Variants in CARHSP1 observed in about 807,000 individuals in gnomAD.
CARHSP1 encodes calcium-regulated heat-stable protein 1.
Under a neutral mutation model 12.5 loss-of-function variants are expected in CARHSP1, and 14 were observed. The ratio of observed to expected loss-of-function variants is 1.12; its 90% CI spans 0.74 to 1.75. The LOEUF (loss-of-function observed/expected upper bound fraction) is 1.75, where lower values mean the gene tolerates loss of function less well. Among genes scored for constraint, CARHSP1 ranks in the 40% most tolerant of loss-of-function variants. CARHSP1 has a pLI of 0.00. For missense variants in CARHSP1, 343 were observed against 201.6 expected, an observed-to-expected ratio of 1.70 and a Z score of -4.25; for synonymous variants, 161 against 82.0, an observed-to-expected ratio of 1.96 and a Z score of -5.20.
intron 1 of CARHSP1, among the ~76,000 whole-genome samples, chr16:8,866,236 C>A (rs74008096): frequency 2.6e-5 from 4 of 152,114 alleles, no homozygotes; most frequent in Non-Finnish European, 5.9e-5. Context: ...TTACAGGCTC[C>A]AGATTCCTGG....
Position 8,853,764 on chromosome 16 carries a change from A to G in CARHSP1, c.*1400T>C, listed in dbSNP as rs1326851686. 1 of 152,150 alleles carries G rather than the reference A, an allele frequency of 6.6e-6. No homozygotes were observed. Among genetic ancestry groups the G allele is most frequent in the Non-Finnish European group, 1.5e-5 (1 of 68,028 alleles). 9.4% of individuals were successfully genotyped at this position (152,150 alleles called of 1,614,324 possible). ...ACCACAACCACAGCAAAGATAACCTAAGGATTTGTTTACCAGAAATACCTA... is the reference window on the plus strand; with the variant it reads ...ACCACAACCACAGCAAAGATAACCTGAGGATTTGTTTACCAGAAATACCTA... On this transcript the variant is annotated 3_prime_UTR_variant, in exon 4 of 4. Coordinates refer to ENST00000311052, the MANE Select transcript of CARHSP1 (RefSeq NM_014316.4).
At chr16:8,865,291 G>C (rs976554981) in intron 1 of CARHSP1, among the ~76,000 whole-genome samples, 1 of 152,256 alleles carries the variant, frequency 6.6e-6, no homozygotes, top group Non-Finnish European at 1.5e-5. Context: ...TGTATTTTTA[G>C]TAGAGACGGG....
At chr16:8,856,743 G>GTAAAAGACT (rs1013836147) in intron 3 of CARHSP1, among the ~76,000 whole-genome samples, 1 of 152,160 alleles carries the variant, frequency 6.6e-6, no homozygotes, top group Admixed American at 6.5e-5. Context: ...CCTGCCTGAA[G>GTAAAAGACT]TAAAAGACTT....
chr16:8,866,551 G>C, intron 1 of CARHSP1: 1 of 742,954 alleles, frequency 1.3e-6, no homozygotes, highest in South Asian at 6.1e-5. Context: ...GGGCGGGTCA[G>C]CTGAGCCCAG....
chr16:8,856,520 C>A (rs182360428), intron 3 of CARHSP1, among the ~76,000 whole-genome samples: 1 of 151,244 alleles, frequency 6.6e-6, no homozygotes, highest in South Asian at 2.1e-4. Flanking sequence ...CTTTCTGGGA[C>A]AAGGCAGTAT....
At chr16:8,856,020 G>C (rs1228911089) in intron 3 of CARHSP1, among the ~76,000 whole-genome samples, 1 of 152,146 alleles carries the variant, frequency 6.6e-6, no homozygotes, top group Admixed American at 6.6e-5. Flanking sequence ...TGTTAGCCAG[G>C]CTGGTCTCAA....
intron 1 of CARHSP1, among the ~76,000 whole-genome samples, chr16:8,861,117 G>A (rs1204195504): frequency 6.8e-6 from 1 of 146,302 alleles, no homozygotes; most frequent in Non-Finnish European, 1.5e-5. Flanking sequence ...GGAGGGCAGT[G>A]GCATAATCAC....
At chr16:8,863,035 CTG>C (rs1425126664) in intron 1 of CARHSP1, among the ~76,000 whole-genome samples, 1 of 149,490 alleles carries the variant, frequency 6.7e-6, no homozygotes, top group Non-Finnish European at 1.5e-5. Context: ...CAGGGCCCCT[CTG>C]TGTCCCAAGG....
chr16:8,862,206 G>T (rs79105277), intron 1 of CARHSP1, among the ~76,000 whole-genome samples: 6,897 of 151,828 alleles, frequency 0.045, 231 homozygotes, highest in Middle Eastern at 0.14. Context: ...CCCCTTGCCT[G>T]CTGTGTGGTC....
At chr16:8,858,497 G>C in intron 2 of CARHSP1, 25 bp from the exon 3 acceptor site, 1 of 1,611,242 alleles carries the variant, frequency 6.2e-7, no homozygotes. Flanking sequence ...GAAATGTCAG[G>C]GGCCCCATCA....
In CARHSP1 at chr16:8,866,561, G is replaced by C. The variant is rs998836876; in HGVS notation, c.-8+2405C>G. On this transcript the variant is annotated intron_variant, in intron 1 of 3. Coordinates refer to ENST00000311052, the MANE Select transcript of CARHSP1 (RefSeq NM_014316.4). ...AGGCGGGGCGGGTCAGCTGAGCCCA[G>C]ATAGAAGGGTCCCTGGAAGCGATAG... The C allele has an allele frequency of 6.7e-6, 4 of 594,802 alleles. No individual in the cohort carries two copies. In the South Asian group the frequency reaches 2.9e-4, roughly 43 times the overall value. The allele number at this position is 594,802 out of a possible 1,614,324, so 36.8% of individuals were successfully genotyped here.
rs1030534196 is a variant in CARHSP1 at position 8,854,243 on chromosome 16, C to A, written c.*921G>T. 1.3e-5 allele frequency: 2 copies of A among 152,174 alleles called. No individual in the cohort carries two copies. The highest frequency in any genetic ancestry group is 2.9e-5 in the Non-Finnish European group (2 of 68,044). 9.4% of individuals were successfully genotyped at this position (152,174 alleles called of 1,614,324 possible). ...CCTCTCCAAAGGTATGTTTCTCCTT[C>A]AACTTTCTTGACTTTGCCAGGCTGT... On this transcript the variant is annotated 3_prime_UTR_variant, in exon 4 of 4. Transcript: ENST00000311052.
chr16:8,863,127 T>C (rs1442259784), intron 1 of CARHSP1, among the ~76,000 whole-genome samples: 1 of 136,880 alleles, frequency 7.3e-6, no homozygotes, highest in African/African-American at 2.7e-5. Flanking sequence ...TTTTTTTTTT[T>C]TTTTTTTTTT....
chr16:8,857,263 GTTTTTTTTTTTTTTTTTTTT>G lies in CARHSP1; in HGVS notation c.281+1067_281+1086del, dbSNP rs756390920. ...TGGCTATGTGATCTTGGGCAGATCT[GTTTTTTTTTTTTTTTTTTTT>G]TTTTTTTTTTTTTTTTGAGATGGAG... On this transcript the variant is annotated intron_variant, in intron 3 of 3. Transcript: ENST00000311052. Among the ~76,000 whole-genome samples, 108 of 57,040 alleles carry G rather than the reference GTTTTTTTTTTTTTTTTTTTT, an allele frequency of 1.9e-3. 2 individuals are homozygous for G. The highest frequency in any genetic ancestry group is 3.1e-3 in the Non-Finnish European group (83 of 26,900). 37.4% of individuals were successfully genotyped at this position (57,040 alleles called of 152,430 possible). A position where few individuals can be genotyped will look rare whatever the true frequency, so the allele number is the denominator to read the frequency against.
Position 8,854,211 on chromosome 16 carries a change from A to G in CARHSP1, c.*953T>C, listed in dbSNP as rs929414671. 5 of 152,160 alleles carry G rather than the reference A, an allele frequency of 3.3e-5. No individual in the cohort carries two copies. The highest frequency in any genetic ancestry group is 5.9e-5 in the Non-Finnish European group (4 of 68,024). The allele number at this position is 152,160 out of a possible 1,614,324, so 9.4% of individuals were successfully genotyped here. On this transcript the variant is annotated 3_prime_UTR_variant, in exon 4 of 4. Coordinates refer to ENST00000311052, the MANE Select transcript of CARHSP1 (RefSeq NM_014316.4). ...GCATTTCTTAACACTAGTTTTAAAG[A>G]AAACCCCCTCTCCAAAGGTATGTTT... is the stretch of plus-strand genomic sequence containing the variant.
intron 2 of CARHSP1, 121 bp from the exon 3 acceptor site, chr16:8,858,593 A>T (rs986680650): frequency 2.2e-5 from 27 of 1,246,966 alleles, no homozygotes; most frequent in African/African-American, 1.8e-4. Context: ...ATGTACAGTC[A>T]CACAGGCTGA....
Position 8,853,344 on chromosome 16 carries a change from A to T in CARHSP1, c.*1820T>A, listed in dbSNP as rs1401650242. 4.0e-5 allele frequency: 6 copies of T among 151,062 alleles called. No homozygotes were observed. Among genetic ancestry groups the T allele is most frequent in the Admixed American group, 4.0e-4 (6 of 15,144 alleles). 9.4% of individuals were successfully genotyped at this position (151,062 alleles called of 1,614,324 possible). On this transcript the variant is annotated 3_prime_UTR_variant, in exon 4 of 4. Coordinates refer to ENST00000311052, the MANE Select transcript of CARHSP1 (RefSeq NM_014316.4). ...GGAACAATTCAAGGCTGGAGAGAAA[A>T]GGCCACCTTTGACCCAGCAGAAGGC...
intron 1 of CARHSP1, chr16:8,866,384 G>A (rs1371742709): frequency 3.2e-5 from 31 of 958,724 alleles, no homozygotes; most frequent in Non-Finnish European, 3.8e-5. Context: ...AAATGGCGCA[G>A]GGATCGGGGT....
intron 1 of CARHSP1, chr16:8,861,761 G>C: frequency 3.1e-6 from 4 of 1,282,394 alleles, no homozygotes; most frequent in Non-Finnish European, 4.1e-6. Flanking sequence ...CTGGCCTGGG[G>C]GCCAGGGCCC....
Sources: gnomAD v4.1 joint callset for allele counts (sites outside exome capture counted in the v4.1 genomes callset) on GRCh38, gnomAD v4.1.1 for gene constraint, MANE v1.5 for transcripts, NCBI Gene and HGNC (gene_info 2026-07-23, HGNC 2026-07-21) for gene names.